CDKL3: variants seen among roughly 807,000 people sequenced by gnomAD.
CDKL3 encodes the protein cyclin dependent kinase like 3, also known as cyclin-dependent kinase-like 3.
CDKL3 carries 65 observed loss-of-function variants against 69.3 expected under a neutral mutation model. The observed-to-expected ratio is 0.94, with a 90% CI of 0.77 to 1.15. CDKL3 has a LOEUF of 1.15. Ranked by LOEUF, CDKL3 falls within the 50% of genes most tolerant of loss-of-function variation. CDKL3 has a pLI of 0.00. For missense variants in CDKL3, 652 were observed against 689.2 expected, an observed-to-expected ratio of 0.95 and a Z score of 0.61; for synonymous variants, 202 against 221.6, an observed-to-expected ratio of 0.91 and a Z score of 0.79.
downstream of CDKL3, among the ~76,000 whole-genome samples, chr5:134,285,665 C>T (rs1764831399): frequency 6.6e-6 from 1 of 152,238 alleles, no homozygotes; most frequent in Non-Finnish European, 1.5e-5. Flanking sequence ...ATTGCTTTTG[C>T]AAATTTCTGC....
chr5:134,360,875 A>G (rs538236020), intron 2 of CDKL3, among the ~76,000 whole-genome samples: 3 of 152,340 alleles, frequency 2.0e-5, no homozygotes, highest in Non-Finnish European at 4.4e-5. Context: ...TCTAGGGAGC[A>G]TCATAAATTC....
intron 7 of CDKL3, among the ~76,000 whole-genome samples, chr5:134,311,365 C>T (rs1769436934): frequency 1.3e-5 from 2 of 152,102 alleles, no homozygotes; most frequent in Non-Finnish European, 2.9e-5. Context: ...ATTAGCCAGG[C>T]GTGGTGGCAT....
At chr5:134,340,966 T>A (rs1436215020) in intron 4 of CDKL3, among the ~76,000 whole-genome samples, 1 of 152,130 alleles carries the variant, frequency 6.6e-6, no homozygotes, top group Non-Finnish European at 1.5e-5. Context: ...GAATCCAGCA[T>A]CATATAAAAG....
chr5:134,283,631 C>A (rs1364075032), downstream of CDKL3, among the ~76,000 whole-genome samples: 2 of 152,134 alleles, frequency 1.3e-5, no homozygotes, highest in African/African-American at 4.8e-5. Context: ...GGGTACACAG[C>A]CAAACCATAT....
At chr5:134,319,919 T>C (rs1772277603) in intron 5 of CDKL3, among the ~76,000 whole-genome samples, 1 of 152,100 alleles carries the variant, frequency 6.6e-6, no homozygotes, top group Non-Finnish European at 1.5e-5. Flanking sequence ...ATCAAAATAT[T>C]GCAAAAAAAG....
At chr5:134,362,432 T>A (rs1044305191) in intron 2 of CDKL3, among the ~76,000 whole-genome samples, 1 of 152,108 alleles carries the variant, frequency 6.6e-6, no homozygotes, top group African/African-American at 2.4e-5. Context: ...GGCAGGAGAA[T>A]CGCTTGAACC....
intron 4 of CDKL3, among the ~76,000 whole-genome samples, chr5:134,326,892 T>A (rs966102208): frequency 7.0e-6 from 1 of 142,284 alleles, no homozygotes; most frequent in Non-Finnish European, 1.5e-5. Context: ...GTCCTTATAG[T>A]CCTGAGGCTA....
At chr5:134,368,338 G>A (rs565651283), upstream of CDKL3, among the ~76,000 whole-genome samples, 1 of 152,148 alleles carries the variant, frequency 6.6e-6, no homozygotes, top group Non-Finnish European at 1.5e-5. Flanking sequence ...AGGTTATTCA[G>A]ACGGGCGCAG....
chr5:134,285,954 T>C (rs977320953), downstream of CDKL3, among the ~76,000 whole-genome samples: 8 of 152,108 alleles, frequency 5.3e-5, no homozygotes, highest in Admixed American at 2.0e-4. Flanking sequence ...AAACCCCGTC[T>C]CCACTAAAAA....
At chr5:134,344,881 G>A (rs2149577805) in intron 4 of CDKL3, among the ~76,000 whole-genome samples, 1 of 152,086 alleles carries the variant, frequency 6.6e-6, no homozygotes, top group East Asian at 1.9e-4. Flanking sequence ...GACCAACATG[G>A]TGAATCCCCA....
rs1764934098 is a variant in CDKL3, at chr5:134,287,784, T to G, written c.*678-1225A>C. On this transcript the variant is annotated intron_variant and NMD_transcript_variant, in intron 8 of 8. Transcript: ENST00000519312. ...GCCTTTGAAATTTTGTGTTTCCTCC[T>G]CAAAAAGAGCCCTCATTTAAAAGTA... Among the ~76,000 whole-genome samples the G allele has an allele frequency of 2.0e-5, 3 of 152,046 alleles. No homozygotes were observed. The South Asian group carries it at 6.2e-4, about 31-fold the overall frequency.
At chr5:134,352,675 C>T (rs1351772355) in intron 3 of CDKL3, among the ~76,000 whole-genome samples, 1 of 152,068 alleles carries the variant, frequency 6.6e-6, no homozygotes, top group Non-Finnish European at 1.5e-5. Flanking sequence ...TCTTGAACTC[C>T]TGGACTCAAG....
At chr5:134,294,769 A>C (rs1765273990), downstream of CDKL3, among the ~76,000 whole-genome samples, 1 of 152,072 alleles carries the variant, frequency 6.6e-6, no homozygotes, top group Non-Finnish European at 1.5e-5. Flanking sequence ...CTCAGGATAC[A>C]AGATCAACAC....
chr5:134,326,364 A>C (rs1037393617), intron 4 of CDKL3, among the ~76,000 whole-genome samples: 3 of 152,128 alleles, frequency 2.0e-5, no homozygotes, highest in Admixed American at 2.0e-4. Flanking sequence ...AGCAAGTCCT[A>C]GTTAGCTATA....
intron 12 of CDKL3, 32 bp downstream of exon 12, chr5:134,302,558 C>T: frequency 9.2e-7 from 1 of 1,090,832 alleles, no homozygotes; most frequent in Non-Finnish European, 1.4e-6. Flanking sequence ...AAACAACATG[C>T]CTTAGTAAAA....
At chr5:134,346,788 G>A (rs1752003757) in intron 4 of CDKL3, among the ~76,000 whole-genome samples, 1 of 152,088 alleles carries the variant, frequency 6.6e-6, no homozygotes, top group Non-Finnish European at 1.5e-5. Context: ...GAGCCACCGT[G>A]CCCAGCCGGG....
intron 7 of CDKL3, among the ~76,000 whole-genome samples, chr5:134,309,150 A>G (rs1263228689): frequency 6.6e-6 from 1 of 152,122 alleles, no homozygotes; most frequent in African/African-American, 2.4e-5. Context: ...CAATGGCACA[A>G]TCTCATCTCG....
In CDKL3 at chr5:134,361,536, C is replaced by A. The variant is rs1036231854; in HGVS notation, c.166-1445G>T. Among the ~76,000 whole-genome samples the A allele has an allele frequency of 2.0e-5, 3 of 152,192 alleles. No individual in the cohort carries two copies. The South Asian group carries it at 6.2e-4, about 32-fold the overall frequency. ...CAAAATATAACACCAGATTCCTTTC[C>A]TTTTTGCTCCAAATTTCCCTGGTTG... On this transcript the variant is annotated intron_variant, in intron 2 of 12. Transcript: ENST00000265334.
intron 11 of CDKL3, 105 bp from the exon 12 acceptor site, chr5:134,302,792 A>C: frequency 1.7e-6 from 1 of 599,218 alleles, no homozygotes; most frequent in Non-Finnish European, 2.9e-6. Context: ...TCAGTTTCTC[A>C]GTTTATTACA....
Sources: allele counts gnomAD v4.1 joint callset (sites outside exome capture counted in the v4.1 genomes callset), GRCh38; gene constraint gnomAD v4.1.1; transcripts MANE v1.5; gene names NCBI Gene and HGNC (gene_info 2026-07-23, HGNC 2026-07-21).